The following CACNB2 variants were observed in gnomAD, a reference collection of about 807,000 sequenced individuals.
CACNB2 encodes voltage-dependent L-type calcium channel subunit beta-2.
Under a neutral mutation model 73.3 loss-of-function variants are expected in CACNB2, and 42 were observed. The ratio of observed to expected loss-of-function variants is 0.57; its 90% CI spans 0.45 to 0.74. The LOEUF is 0.74. Ranked by LOEUF, CACNB2 falls within the 30% of genes least tolerant of loss-of-function variation. The pLI, the probability that CACNB2 is intolerant of heterozygous loss-of-function variation, is 0.00. For synonymous variants in CACNB2, 348 were observed against 310.3 expected (o/e 1.12, Z -1.28); for missense variants, 940 against 853.0 (o/e 1.10, Z -1.27).
intron 3 of CACNB2, among the ~76,000 whole-genome samples, chr10:18,481,548 A>G (rs1404092218): frequency 6.6e-6 from 1 of 151,620 alleles, no homozygotes; most frequent in Non-Finnish European, 1.5e-5. Flanking sequence ...TACCCGGCCC[A>G]TCATTCCTTT....
chr10:18,534,324 T>C, intron 11 of CACNB2, 97 bp downstream of exon 11: 1 of 1,061,170 alleles, frequency 9.4e-7, no homozygotes, highest in Non-Finnish European at 1.5e-6. Flanking sequence ...ATAGCCTTTA[T>C]GATGTATAGA....
chr10:18,197,780 G>A (rs1256745264), intron 2 of CACNB2, among the ~76,000 whole-genome samples: 2 of 152,042 alleles, frequency 1.3e-5, no homozygotes, highest in African/African-American at 4.8e-5. Flanking sequence ...AAAACAGTCA[G>A]ATCAACGTCT....
intron 2 of CACNB2, among the ~76,000 whole-genome samples, chr10:18,269,550 G>GA (rs761973289): frequency 2.0e-5 from 3 of 152,142 alleles, no homozygotes; most frequent in Non-Finnish European, 4.4e-5. Flanking sequence ...AATAGACCTA[G>GA]AAAAAATGGC....
intron 2 of CACNB2, among the ~76,000 whole-genome samples, chr10:18,153,223 A>T (rs1415839343): frequency 8.2e-6 from 1 of 121,966 alleles, no homozygotes; most frequent in South Asian, 2.6e-4. Flanking sequence ...AAGGGTAAAT[A>T]TACAGGTCTG....
At chr10:18,416,693 A>C (rs1252628893) in intron 3 of CACNB2, among the ~76,000 whole-genome samples, 2 of 152,186 alleles carry the variant, frequency 1.3e-5, no homozygotes, top group African/African-American at 2.4e-5. Flanking sequence ...TAAATCTTCA[A>C]CTTTTTTTCA....
chr10:18,492,632 AAAAAAAG>A (rs1479978855), intron 3 of CACNB2, among the ~76,000 whole-genome samples: 2,944 of 136,106 alleles, frequency 0.022, 67 homozygotes, highest in South Asian at 0.11. Context: ...AAAAAAAAAA[AAAAAAAG>A]AAAAAAAGAA....
chr10:18,502,808 G>C (rs545282609), intron 5 of CACNB2, among the ~76,000 whole-genome samples: 2 of 151,750 alleles, frequency 1.3e-5, no homozygotes, highest in Non-Finnish European at 2.9e-5. Flanking sequence ...GACTACTTGA[G>C]GGTGGAGGAT....
chr10:18,221,615 G>A (rs1400073058), intron 2 of CACNB2, among the ~76,000 whole-genome samples: 1 of 152,188 alleles, frequency 6.6e-6, no homozygotes, highest in Non-Finnish European at 1.5e-5. Flanking sequence ...GGAGGTGAAG[G>A]TTGCAGTGAG....
At chr10:18,524,404 C>G (rs2052240057) in intron 9 of CACNB2, among the ~76,000 whole-genome samples, 1 of 151,906 alleles carries the variant, frequency 6.6e-6, no homozygotes, top group Non-Finnish European at 1.5e-5. Flanking sequence ...ACCTGTAATC[C>G]CAGCACTTTG....
At chr10:18,406,217 G>T (rs370941405) in intron 3 of CACNB2, among the ~76,000 whole-genome samples, 17 of 152,304 alleles carry the variant, frequency 1.1e-4, no homozygotes, top group African/African-American at 4.1e-4. Context: ...AATACAATAG[G>T]TTGTGGGGAA....
At chr10:18,502,616 G>A (rs917685355) in intron 5 of CACNB2, among the ~76,000 whole-genome samples, 7 of 137,134 alleles carry the variant, frequency 5.1e-5, no homozygotes, top group South Asian at 2.4e-4. Context: ...CTTCGAACCC[G>A]GGAGGCAGAG....
At chr10:18,179,042 T>A (rs1356988571) in intron 2 of CACNB2, among the ~76,000 whole-genome samples, 1 of 152,208 alleles carries the variant, frequency 6.6e-6, no homozygotes. Context: ...GATATTCACA[T>A]AAACAAATTA....
intron 3 of CACNB2, among the ~76,000 whole-genome samples, chr10:18,461,335 G>A (rs1016062504): frequency 3.9e-5 from 6 of 152,276 alleles, no homozygotes; most frequent in African/African-American, 1.4e-4. Flanking sequence ...CAGAGTGACT[G>A]TCTTGCTGTA....
At chr10:18,487,305 C>T (rs1305231866) in intron 3 of CACNB2, among the ~76,000 whole-genome samples, 1 of 152,142 alleles carries the variant, frequency 6.6e-6, no homozygotes, top group African/African-American at 2.4e-5. Flanking sequence ...CCTGTGCAGA[C>T]TTTTAGCTTG....
chr10:18,320,703 A>C (rs539918151), intron 2 of CACNB2, among the ~76,000 whole-genome samples: 31 of 152,328 alleles, frequency 2.0e-4, no homozygotes, highest in Middle Eastern at 6.8e-3. Context: ...AGGTTGAATG[A>C]ATAAATGCAT....
intron 2 of CACNB2, among the ~76,000 whole-genome samples, chr10:18,261,717 G>C (rs1027629175): frequency 2.0e-5 from 3 of 152,130 alleles, no homozygotes; most frequent in African/African-American, 7.2e-5. Context: ...ATTATAGATA[G>C]GCGCAGAGGC....
At chr10:18,353,178 G>T (rs112819895) in intron 2 of CACNB2, among the ~76,000 whole-genome samples, 8,406 of 152,222 alleles carry the variant, frequency 0.055, 323 homozygotes, top group Non-Finnish European at 0.086. Context: ...TTGGGAGGCC[G>T]AGGCAGGTGG....
intron 2 of CACNB2, among the ~76,000 whole-genome samples, chr10:18,232,265 A>C (rs1298391151): frequency 1.3e-5 from 2 of 152,246 alleles, no homozygotes; most frequent in South Asian, 4.2e-4. Flanking sequence ...TGACCAATCT[A>C]TTCACTAGAT....
chr10:18,475,959 A>C (rs1056041919), intron 3 of CACNB2, among the ~76,000 whole-genome samples: 4 of 152,220 alleles, frequency 2.6e-5, no homozygotes, highest in Non-Finnish European at 4.4e-5. Flanking sequence ...GCCATAGAGT[A>C]AGGTGAAAGC....
Sources: gnomAD v4.1 joint callset for allele counts (sites outside exome capture counted in the v4.1 genomes callset) on GRCh38, gnomAD v4.1.1 for gene constraint, MANE v1.5 for transcripts, NCBI Gene and HGNC (gene_info 2026-07-23, HGNC 2026-07-21) for gene names.